The following PHEX variants were observed in gnomAD, a reference collection of about 807,000 sequenced individuals.
PHEX encodes the protein phosphate regulating endopeptidase X-linked, also known as phosphate-regulating neutral endopeptidase PHEX.
A neutral mutation model predicts 68.0 loss-of-function variants in PHEX; 16 were observed. The observed-to-expected ratio is 0.24, with a 90% CI of 0.16 to 0.36. The LOEUF (loss-of-function observed/expected upper bound fraction) is 0.36, where lower values mean the gene tolerates loss of function less well. PHEX is among the 10% of genes least tolerant of loss of function. PHEX has a pLI of 1.00. For synonymous variants in PHEX, 208 were observed against 205.1 expected, an observed-to-expected ratio of 1.01 and a Z score of -0.12; for missense variants, 480 against 575.5, an observed-to-expected ratio of 0.83 and a Z score of 1.70.
At chrX:22,185,647 G>A (rs1415984405) in intron 14 of PHEX, among the ~76,000 whole-genome samples, 1 of 110,942 alleles carries the variant, frequency 9.0e-6, no homozygotes, top group Non-Finnish European at 1.9e-5. Flanking sequence ...TTTATCTATT[G>A]CTGTGTGATA....
At chrX:22,172,614 G>A (rs1341502238) in intron 13 of PHEX, 2 of 110,871 alleles carry the variant, frequency 1.8e-5, no homozygotes, top group Non-Finnish European at 3.8e-5. Flanking sequence ...GAGAGTGAGA[G>A]ACAGCAACAC....
intron 14 of PHEX, among the ~76,000 whole-genome samples, chrX:22,179,659 C>T (rs976593209): frequency 3.6e-5 from 4 of 111,860 alleles, no homozygotes; most frequent in South Asian, 3.7e-4. Context: ...TTATTTCATT[C>T]CTTTTTATGG....
In PHEX at chrX:22,232,596, C is replaced by CTTTTTTTTTTTTTTTTTTTTTTTTTTT. The variant is rs745474280; in HGVS notation, c.2070+4989_2070+5015dup. Among the ~76,000 whole-genome samples the CTTTTTTTTTTTTTTTTTTTTTTTTTTT allele has an allele frequency of 2.2e-4, 4 of 18,549 alleles. 1 individual carries two copies. Among genetic ancestry groups the CTTTTTTTTTTTTTTTTTTTTTTTTTTT allele is most frequent in the Non-Finnish European group, 3.1e-4 (3 of 9,736 alleles). The allele number at this position is 18,549 out of a possible 115,157, so 16.1% of individuals were successfully genotyped here. A position where few individuals can be genotyped will look rare whatever the true frequency, so the allele number is the denominator to read the frequency against. ...TCAGAGATTAGGATTGCCACTTCTGCTTTTTTTTTTTTTTTTTTTTTTTTT... is the reference window on the plus strand; with the variant it reads ...TCAGAGATTAGGATTGCCACTTCTGCTTTTTTTTTTTTTTTTTTTTTTTTTTTTTTTTTTTTTTTTTTTTTTTTTTTT... On this transcript the variant is annotated intron_variant, in intron 20 of 21. Transcript: ENST00000379374.
intron 15 of PHEX, among the ~76,000 whole-genome samples, chrX:22,204,585 A>G (rs1024704317): frequency 6.3e-5 from 7 of 111,740 alleles, no homozygotes. Flanking sequence ...GTGGCTTAGG[A>G]CATCATAGGT....
chrX:22,067,842 A>T (rs200402251), intron 3 of PHEX, among the ~76,000 whole-genome samples: 128 of 104,358 alleles, frequency 1.2e-3, no homozygotes, highest in East Asian at 5.4e-3. Context: ...TTTTTTTTTT[A>T]AATTTTTGAG....
intron 5 of PHEX, among the ~76,000 whole-genome samples, chrX:22,087,334 C>T (rs761656718): frequency 3.6e-5 from 4 of 111,537 alleles, no homozygotes; most frequent in Non-Finnish European, 7.5e-5. Context: ...GAAATAGTGG[C>T]AGATTGGGAA....
chrX:22,098,113 A>AAAG (rs1930231074), intron 8 of PHEX: 1 of 89,023 alleles, frequency 1.1e-5, no homozygotes, highest in East Asian at 3.4e-4. Flanking sequence ...TTTTTTTTTT[A>AAAG]AAAACTGTGT....
intron 2 of PHEX, among the ~76,000 whole-genome samples, chrX:22,039,935 CA>C (rs35965481): frequency 0.5 from 53,675 of 108,094 alleles, 10,072 homozygotes; most frequent in Middle Eastern, 0.59. Flanking sequence ...ACTTCTGTCT[CA>C]AAAAAAACAA....
chrX:22,181,678 C>T (rs760668860), intron 14 of PHEX, among the ~76,000 whole-genome samples: 4 of 111,627 alleles, frequency 3.6e-5, no homozygotes, highest in Admixed American at 9.5e-5. Context: ...GTAGTATGGG[C>T]GTTTTCACAG....
intron 15 of PHEX, among the ~76,000 whole-genome samples, chrX:22,212,216 G>T (rs915959038): frequency 1.8e-5 from 2 of 111,301 alleles, no homozygotes; most frequent in Non-Finnish European, 3.8e-5. Context: ...TGAATGGAAA[G>T]TATGGCCTCT....
intron 12 of PHEX, among the ~76,000 whole-genome samples, chrX:22,156,420 C>T (rs146880403): frequency 8.3e-5 from 9 of 108,754 alleles, no homozygotes; most frequent in Middle Eastern, 4.2e-3. Flanking sequence ...GCTTGTAGGC[C>T]GATAAGGGAA....
chrX:22,216,848 T>C (rs770838438), intron 16 of PHEX, among the ~76,000 whole-genome samples: 3 of 111,806 alleles, frequency 2.7e-5, no homozygotes, highest in Admixed American at 1.9e-4. Context: ...ATACTCTTCA[T>C]TGATAAAATA....
chrX:22,034,460 C>T (rs770062975), intron 1 of PHEX, among the ~76,000 whole-genome samples: 39 of 112,406 alleles, frequency 3.5e-4, no homozygotes, highest in South Asian at 1.4e-3. Flanking sequence ...AGATTCTCCG[C>T]GGCAGCAAAT....
At chrX:22,064,382 A>G (rs184394499) in intron 3 of PHEX, among the ~76,000 whole-genome samples, 2 of 111,567 alleles carry the variant, frequency 1.8e-5, no homozygotes, top group Admixed American at 9.6e-5. Flanking sequence ...GCTCGCATTT[A>G]TAAGTGAGAG....
intron 13 of PHEX, chrX:22,169,907 T>G (rs1933464911): frequency 8.9e-6 from 1 of 112,572 alleles, no homozygotes. Flanking sequence ...TAGATGAGAC[T>G]GTATAAATGT....
intron 12 of PHEX, among the ~76,000 whole-genome samples, chrX:22,146,505 G>A (rs1932701621): frequency 8.9e-6 from 1 of 111,972 alleles, no homozygotes; most frequent in South Asian, 3.7e-4. Context: ...TTTCAAATTT[G>A]TGGAACAGTG....
chrX:22,185,012 G>A (rs747053782), intron 14 of PHEX, among the ~76,000 whole-genome samples: 1 of 111,662 alleles, frequency 9.0e-6, no homozygotes, highest in South Asian at 3.8e-4. Flanking sequence ...TAAAACTTTA[G>A]CCTGATGTAT....
chrX:22,245,695 C>T (rs896133838), intron 21 of PHEX, among the ~76,000 whole-genome samples: 15 of 111,979 alleles, frequency 1.3e-4, no homozygotes, highest in Admixed American at 7.6e-4. Flanking sequence ...TGAGACTATA[C>T]AAGACTCCAG....
At chrX:22,111,884 A>C (rs1045347838) in intron 10 of PHEX, among the ~76,000 whole-genome samples, 1 of 112,205 alleles carries the variant, frequency 8.9e-6, no homozygotes, top group African/African-American at 3.2e-5. Context: ...TAACTGGGTC[A>C]CTGTAATTAT....
Sources: gnomAD v4.1 joint callset for allele counts (sites outside exome capture counted in the v4.1 genomes callset) on GRCh38, gnomAD v4.1.1 for gene constraint, MANE v1.5 for transcripts, NCBI Gene and HGNC (gene_info 2026-07-23, HGNC 2026-07-21) for gene names.